The following LANCL1 variants were observed in gnomAD, a reference collection of about 807,000 sequenced individuals.
The protein encoded by LANCL1 is LanC like glutathione S-transferase 1.
A neutral mutation model predicts 50.6 loss-of-function variants in LANCL1; 50 were observed. That is an observed-to-expected ratio of 0.99 (90% CI 0.79 to 1.25). The LOEUF is 1.25. LANCL1 is among the 50% of genes most tolerant of loss of function. LANCL1 has a pLI of 0.00. For synonymous variants in LANCL1, 188 were observed against 178.6 expected (o/e 1.05, Z -0.42); for missense variants, 532 against 480.7 (o/e 1.11, Z -1.00).
At chr2:210,441,518 G>A in intron 4 of LANCL1, 75 bp from the exon 5 acceptor site, 2 of 1,247,670 alleles carry the variant, frequency 1.6e-6, no homozygotes, top group Non-Finnish European at 2.2e-6. Context: ...ATGGTACATT[G>A]AAAAAAATAT....
intron 4 of LANCL1, among the ~76,000 whole-genome samples, chr2:210,453,366 G>T (rs933824716): frequency 6.6e-6 from 1 of 152,168 alleles, no homozygotes; most frequent in African/African-American, 2.4e-5. Flanking sequence ...GGGTTGTATA[G>T]GTGAGTTAAC....
At chr2:210,441,198 A>C in intron 5 of LANCL1, 110 bp downstream of exon 5, 1 of 1,108,632 alleles carries the variant, frequency 9.0e-7, no homozygotes, top group Non-Finnish European at 1.3e-6. Context: ...GTCCAGATAC[A>C]CCTTCCTTTA....
Position 210,476,720 on chromosome 2 carries a change from A to C in LANCL1, c.-117T>G, listed in dbSNP as rs1694394784. The C allele has an allele frequency of 1.8e-6, 2 of 1,122,762 alleles. No individual in the cohort carries two copies. Among genetic ancestry groups the C allele is most frequent in the Admixed American group, 4.6e-5 (1 of 21,828 alleles). 69.5% of individuals were successfully genotyped at this position (1,122,762 alleles called of 1,614,324 possible). On this transcript the variant is annotated 5_prime_UTR_variant, in exon 1 of 10. Coordinates refer to ENST00000450366, the MANE Select transcript of LANCL1 (RefSeq NM_006055.3). ...AAGCCCTTCTCGGCCCTGGCCTCTCACCCCGCAGCCCCGGACAGTAACAGA... is the reference window on the plus strand; with the variant it reads ...AAGCCCTTCTCGGCCCTGGCCTCTCCCCCCGCAGCCCCGGACAGTAACAGA...
chr2:210,448,113 T>C (rs1356108361), intron 4 of LANCL1, among the ~76,000 whole-genome samples: 1 of 152,088 alleles, frequency 6.6e-6, no homozygotes, highest in Non-Finnish European at 1.5e-5. Flanking sequence ...AAGTAAAACA[T>C]TCCTCAGCAA....
intron 1 of LANCL1, 66 bp from the exon 2 acceptor site, chr2:210,476,478 C>T: frequency 5.3e-6 from 7 of 1,326,448 alleles, no homozygotes; most frequent in Non-Finnish European, 5.8e-6. Context: ...GCGAGGGCGG[C>T]GGCGGCGCCC....
chr2:210,458,808 G>C lies in LANCL1; in HGVS notation c.200-3494C>G, dbSNP rs192353028. On this transcript the variant is annotated intron_variant, in intron 3 of 9. Coordinates refer to ENST00000450366, the MANE Select transcript of LANCL1 (RefSeq NM_006055.3). ...CCCAAATATGATTCTATTCTCTGAA[G>C]GACACTTAATGAGAAAAAACATTTC... 4.9e-4 allele frequency among the ~76,000 whole-genome samples: 74 copies of C among 152,238 alleles called. No homozygotes were observed. The East Asian group carries it at 0.012, about 24-fold the overall frequency.
chr2:210,443,024 T>A (rs1693193686), intron 4 of LANCL1, among the ~76,000 whole-genome samples: 1 of 152,108 alleles, frequency 6.6e-6, no homozygotes, highest in South Asian at 2.1e-4. Flanking sequence ...AGGAGGGGGT[T>A]ATAAGCCCCC....
chr2:210,475,215 A>C (rs1270890922), intron 2 of LANCL1, among the ~76,000 whole-genome samples: 1 of 152,246 alleles, frequency 6.6e-6, no homozygotes. Flanking sequence ...TGAAATCTGT[A>C]AGGCCTTTAT....
At chr2:210,472,775 T>A (rs1694261335) in intron 2 of LANCL1, among the ~76,000 whole-genome samples, 1 of 152,212 alleles carries the variant, frequency 6.6e-6, no homozygotes, top group African/African-American at 2.4e-5. Flanking sequence ...TAATAATAAC[T>A]GCCACGCCAA....
intron 2 of LANCL1, among the ~76,000 whole-genome samples, chr2:210,474,335 C>A (rs1367514587): frequency 6.6e-6 from 1 of 152,150 alleles, no homozygotes; most frequent in Non-Finnish European, 1.5e-5. Context: ...CTTTCTAGGA[C>A]CTGTCCAAAA....
At chr2:210,472,760 C>T (rs1055407077) in intron 2 of LANCL1, among the ~76,000 whole-genome samples, 2 of 152,150 alleles carry the variant, frequency 1.3e-5, no homozygotes, top group African/African-American at 4.8e-5. Context: ...TCCATAAAGT[C>T]AGGATAATAA....
Position 210,464,460 on chromosome 2 carries a change from A to G in LANCL1, c.199+7499T>C, listed in dbSNP as rs970102631. On this transcript the variant is annotated intron_variant, in intron 3 of 9. Transcript: ENST00000450366. The stretch of plus-strand genomic sequence containing the variant: ...GAACTGCATGGGTCTACTCGTACAC[A>G]GATTTAAAAATATATATATATAGTG... 1.9e-4 allele frequency among the ~76,000 whole-genome samples: 20 copies of G among 103,414 alleles called. No individual in the cohort carries two copies. In the Admixed American group the frequency reaches 2.3e-3, roughly 12 times the overall value. The allele number at this position is 103,414 out of a possible 152,430, so 67.8% of individuals were successfully genotyped here.
At chr2:210,457,040 G>A (rs1054427678) in intron 3 of LANCL1, among the ~76,000 whole-genome samples, 8 of 152,088 alleles carry the variant, frequency 5.3e-5, no homozygotes, top group Non-Finnish European at 8.8e-5. Flanking sequence ...TAGTTTCTGG[G>A]ATTCCACAAT....
chr2:210,439,301 G>A (rs1027444779), intron 6 of LANCL1, among the ~76,000 whole-genome samples: 1 of 152,184 alleles, frequency 6.6e-6, no homozygotes, highest in East Asian at 1.9e-4. Flanking sequence ...CTAACACAAG[G>A]AGGCAGAGTA....
chr2:210,476,718 T>G lies in LANCL1; in HGVS notation c.-115A>C. 1 of 1,135,728 alleles carries G rather than the reference T, an allele frequency of 8.8e-7. No individual in the cohort carries two copies. The highest frequency in any genetic ancestry group is 1.1e-6 in the Non-Finnish European group (1 of 922,850). The allele number at this position is 1,135,728 out of a possible 1,614,324, so 70.4% of individuals were successfully genotyped here. ...TGAAGCCCTTCTCGGCCCTGGCCTC[T>G]CACCCCGCAGCCCCGGACAGTAACA... On this transcript the variant is annotated 5_prime_UTR_variant, in exon 1 of 10. Transcript: ENST00000450366.
At chr2:210,467,324 T>C (rs1012209367) in intron 3 of LANCL1, among the ~76,000 whole-genome samples, 4 of 152,122 alleles carry the variant, frequency 2.6e-5, no homozygotes, top group African/African-American at 9.7e-5. Flanking sequence ...AGTTACTGAG[T>C]GTTCCTGCCT....
chr2:210,475,970 G>T lies in LANCL1; in HGVS notation c.81+346C>A, dbSNP rs931897929. The stretch of plus-strand genomic sequence containing the variant: ...GTGTATAATCACAAAGGAGTAACAC[G>T]GCACATGTGAATACCGTTAGGATTC... On this transcript the variant is annotated intron_variant, in intron 2 of 9. Coordinates refer to ENST00000450366, the MANE Select transcript of LANCL1 (RefSeq NM_006055.3). Among the ~76,000 whole-genome samples, 9 of 151,956 alleles carry T rather than the reference G, an allele frequency of 5.9e-5. 1 individual carries two copies. The highest frequency in any genetic ancestry group is 3.3e-4 in the Admixed American group (5 of 15,260).
rs766074620 is a variant in LANCL1 at position 210,433,339 on chromosome 2, G to T, written c.*1148C>A. 2 of 152,142 alleles carry T rather than the reference G, an allele frequency of 1.3e-5. No homozygotes were observed. The highest frequency in any genetic ancestry group is 2.4e-5 in the African/African-American group (1 of 41,440). The allele number at this position is 152,142 out of a possible 1,614,324, so 9.4% of individuals were successfully genotyped here. ...GTCTAGGATACGCAAAGATGCATTT[G>T]TTCTAAGCATGAACTCTGGATAATA... On this transcript the variant is annotated 3_prime_UTR_variant, in exon 10 of 10. Coordinates refer to ENST00000450366, the MANE Select transcript of LANCL1 (RefSeq NM_006055.3).
At chr2:210,475,933 C>A (rs1315835445) in intron 2 of LANCL1, among the ~76,000 whole-genome samples, 4 of 152,166 alleles carry the variant, frequency 2.6e-5, no homozygotes, top group Admixed American at 6.5e-5. Flanking sequence ...CATCATTACC[C>A]TGAACGCACT....
Sources: gnomAD v4.1 joint callset for allele counts (sites outside exome capture counted in the v4.1 genomes callset) on GRCh38, gnomAD v4.1.1 for gene constraint, MANE v1.5 for transcripts, NCBI Gene and HGNC (gene_info 2026-07-23, HGNC 2026-07-21) for gene names.